CADM2: variants seen among roughly 807,000 people sequenced by gnomAD.
CADM2 encodes the protein cell adhesion molecule 2, also known as immunoglobulin superfamily member 4D.
CADM2 carries 12 observed loss-of-function variants against 49.8 expected under a neutral mutation model. The ratio of observed to expected loss-of-function variants is 0.24; its 90% CI spans 0.15 to 0.39. The LOEUF is 0.39. Among genes scored for constraint, CADM2 ranks in the 10% least tolerant of loss-of-function variants. The pLI, the probability that CADM2 is intolerant of heterozygous loss-of-function variation, is 1.00. For synonymous variants in CADM2, 214 were observed against 175.4 expected, an observed-to-expected ratio of 1.22 and a Z score of -1.74; for missense variants, 378 against 492.3, an observed-to-expected ratio of 0.77 and a Z score of 2.20.
chr3:85,462,037 C>T (rs2038270970), intron 1 of CADM2, among the ~76,000 whole-genome samples: 1 of 152,064 alleles, frequency 6.6e-6, no homozygotes, highest in Non-Finnish European at 1.5e-5. Context: ...GAGAGGAGGG[C>T]AATTAATCAG....
chr3:85,323,437 T>G (rs2044667725), intron 1 of CADM2, among the ~76,000 whole-genome samples: 1 of 152,182 alleles, frequency 6.6e-6, no homozygotes, highest in South Asian at 2.1e-4. Context: ...AAGCTCCAAT[T>G]TCCTTTGCTC....
chr3:85,989,739 G>A (rs971775917), intron 8 of CADM2, among the ~76,000 whole-genome samples: 2 of 151,948 alleles, frequency 1.3e-5, no homozygotes, highest in East Asian at 1.9e-4. Flanking sequence ...GTGGCTGGGC[G>A]CGGTGGCTCA....
chr3:85,103,503 A>G (rs1467306207), intron 1 of CADM2, among the ~76,000 whole-genome samples: 1 of 152,176 alleles, frequency 6.6e-6, no homozygotes, highest in Non-Finnish European at 1.5e-5. Flanking sequence ...AATACTATGT[A>G]TAAGAAAATG....
chr3:85,666,189 G>C (rs2107621143), intron 1 of CADM2, among the ~76,000 whole-genome samples: 1 of 152,192 alleles, frequency 6.6e-6, no homozygotes, highest in African/African-American at 2.4e-5. Flanking sequence ...TACAAGGGAT[G>C]TGAAGGACAT....
chr3:85,132,724 TTC>T (rs1221789923), intron 1 of CADM2, among the ~76,000 whole-genome samples: 4 of 152,104 alleles, frequency 2.6e-5, no homozygotes, highest in Non-Finnish European at 5.9e-5. Flanking sequence ...TTTAGACATG[TTC>T]TGTCAATAAA....
intron 1 of CADM2, among the ~76,000 whole-genome samples, chr3:85,644,802 T>G (rs544637933): frequency 1.3e-5 from 2 of 152,268 alleles, no homozygotes; most frequent in South Asian, 4.2e-4. Context: ...AACTTTGAAG[T>G]CTCAAGAATT....
intron 1 of CADM2, among the ~76,000 whole-genome samples, chr3:85,227,584 T>C (rs2042191518): frequency 6.6e-6 from 1 of 152,138 alleles, no homozygotes; most frequent in African/African-American, 2.4e-5. Flanking sequence ...CTTGACTCTT[T>C]ATCCAGTTTG....
intron 2 of CADM2, among the ~76,000 whole-genome samples, chr3:85,775,981 T>C (rs961626474): frequency 6.6e-6 from 1 of 151,904 alleles, no homozygotes; most frequent in Non-Finnish European, 1.5e-5. Context: ...TTCATTGATC[T>C]AGAAAATTAC....
intron 1 of CADM2, among the ~76,000 whole-genome samples, chr3:85,136,999 A>C (rs1477060220): frequency 6.6e-6 from 1 of 151,992 alleles, no homozygotes; most frequent in Non-Finnish European, 1.5e-5. Flanking sequence ...CAATTACGTA[A>C]AAATATAAAG....
At chr3:85,362,126 G>A (rs1212660055) in intron 1 of CADM2, among the ~76,000 whole-genome samples, 1 of 152,072 alleles carries the variant, frequency 6.6e-6, no homozygotes, top group Non-Finnish European at 1.5e-5. Flanking sequence ...GACAGGACCC[G>A]CCCAATGAAA....
At chr3:85,103,991 G>A (rs923931541) in intron 1 of CADM2, among the ~76,000 whole-genome samples, 3 of 152,154 alleles carry the variant, frequency 2.0e-5, no homozygotes, top group African/African-American at 7.2e-5. Context: ...AAAGTGAGAT[G>A]TAAAAGAATA....
intron 1 of CADM2, among the ~76,000 whole-genome samples, chr3:85,440,922 C>T (rs895237367): frequency 6.6e-6 from 1 of 152,030 alleles, no homozygotes; most frequent in Non-Finnish European, 1.5e-5. Flanking sequence ...TTGGAGGTTG[C>T]AGTGAGCCAG....
At chr3:85,712,772 A>C (rs1353497190) in intron 1 of CADM2, among the ~76,000 whole-genome samples, 1 of 152,160 alleles carries the variant, frequency 6.6e-6, no homozygotes, top group East Asian at 1.9e-4. Context: ...GTTTATTAAC[A>C]CTATATTTGG....
intron 6 of CADM2, among the ~76,000 whole-genome samples, chr3:85,932,720 T>C (rs1456212115): frequency 6.6e-6 from 1 of 152,186 alleles, no homozygotes; most frequent in East Asian, 1.9e-4. Flanking sequence ...TATCTTTACA[T>C]AAATTCTGTT....
intron 1 of CADM2, among the ~76,000 whole-genome samples, chr3:85,480,833 G>C (rs1457518922): frequency 6.6e-6 from 1 of 151,674 alleles, no homozygotes; most frequent in African/African-American, 2.4e-5. Flanking sequence ...TTTTAGGACA[G>C]AGTAACACAA....
chr3:85,047,086 T>C (rs998951871), intron 1 of CADM2, among the ~76,000 whole-genome samples: 1 of 152,146 alleles, frequency 6.6e-6, no homozygotes, highest in African/African-American at 2.4e-5. Context: ...TGAAAAAGAT[T>C]TTGCAAGATA....
chr3:85,274,216 G>A (rs2043307551), intron 1 of CADM2, among the ~76,000 whole-genome samples: 1 of 151,260 alleles, frequency 6.6e-6, no homozygotes, highest in Non-Finnish European at 1.5e-5. Context: ...GAGTTTTGAT[G>A]AGAAAGTTAC....
intron 8 of CADM2, among the ~76,000 whole-genome samples, chr3:86,038,390 A>C (rs1045416483): frequency 2.0e-5 from 3 of 152,122 alleles, no homozygotes; most frequent in Non-Finnish European, 4.4e-5. Context: ...CTTGTCTCTG[A>C]AGCTCTTGCT....
intron 1 of CADM2, among the ~76,000 whole-genome samples, chr3:85,437,108 C>G (rs565833396): frequency 4.2e-4 from 64 of 152,192 alleles, no homozygotes; most frequent in Non-Finnish European, 7.5e-4. Flanking sequence ...TAGTATGTAG[C>G]CTTTTCATGT....
Sources: gnomAD v4.1 joint callset for allele counts (sites outside exome capture counted in the v4.1 genomes callset) on GRCh38, gnomAD v4.1.1 for gene constraint, MANE v1.5 for transcripts, NCBI Gene and HGNC (gene_info 2026-07-23, HGNC 2026-07-21) for gene names.